TBC1D8B: variants seen among roughly 807,000 people sequenced by gnomAD.
The protein encoded by TBC1D8B is TBC1 domain family member 8B, also known as RP11-321G1.1.
In TBC1D8B, 75 loss-of-function variants were observed where a neutral mutation model predicts 82.9. The observed-to-expected ratio is 0.90, with a 90% CI of 0.75 to 1.10. TBC1D8B has a LOEUF of 1.10. Among genes scored for constraint, TBC1D8B ranks in the 50% least tolerant of loss-of-function variants. The pLI, the probability that TBC1D8B is intolerant of heterozygous loss-of-function variation, is 0.00. For missense variants in TBC1D8B, 794 were observed against 796.9 expected, an observed-to-expected ratio of 1.00 and a Z score of 0.04; for synonymous variants, 276 against 276.8, an observed-to-expected ratio of 1.00 and a Z score of 0.03.
rs1402376766 is a variant in TBC1D8B, at chrX:106,865,964, T to G, written c.2593T>G (p.Trp865Gly). The G allele has an allele frequency of 8.3e-7, 1 of 1,209,490 alleles. No individual in the cohort carries two copies. The highest frequency in any genetic ancestry group is 1.8e-5 in the South Asian group (1 of 56,820). The stretch of plus-strand genomic sequence containing the variant: ...TGCAAATAAAGACTCACTAGCTTTA[T>G]GGACATTCAGATTGTTAGATGAAAA... ...HSANKDSLAL[W>G]TFRLLDENSD... Residue 865 changes from tryptophan to glycine, a missense_variant, in exon 16 of 21, where the codon TGG becomes GGG. Transcript: ENST00000357242.
In TBC1D8B at chrX:106,835,384, G is replaced by A. The variant is rs1932151192; in HGVS notation, c.1204-3924G>A. Among the ~76,000 whole-genome samples the A allele has an allele frequency of 2.7e-5, 3 of 112,262 alleles. 1 individual carries two copies. The Admixed American group carries it at 2.8e-4, about 11-fold the overall frequency. ...GTCCTGAGGCTGCATAGAGCAGGGG[G>A]GCCCTGGGCCAGGTTCACGAAACCA... On this transcript the variant is annotated intron_variant, in intron 7 of 20. Coordinates refer to ENST00000357242, the MANE Select transcript of TBC1D8B (RefSeq NM_017752.3).
chrX:106,840,889 G>A lies in TBC1D8B; in HGVS notation c.1719+5G>A. 5 of 1,196,036 alleles carry A rather than the reference G, an allele frequency of 4.2e-6. No individual in the cohort carries two copies. Among genetic ancestry groups the A allele is most frequent in the Non-Finnish European group, 5.7e-6 (5 of 882,531 alleles). ...CCCAAAATTGGATACTGCCAGGTAT[G>A]ACTTAACTATGAGCCCAACTGTGTG... On this transcript the variant is annotated splice_donor_5th_base_variant and intron_variant, in intron 10 of 20. Transcript: ENST00000357242.
chrX:106,820,888 G>C lies in TBC1D8B; in HGVS notation c.253G>C (p.Glu85Gln), dbSNP rs999694340. The change falls in exon 3 of 21, where the codon GAA becomes CAA. Residue 85 changes from glutamate to glutamine, a missense_variant. Coordinates refer to ENST00000357242, the MANE Select transcript of TBC1D8B (RefSeq NM_017752.3). ...YLSIACGANR[E>Q]EITKHWDWLE... ...GTGTTATTAATCAGGAGCCAACAGA[G>C]AAGAAATAACCAAGCATTGGGATTG... The C allele has an allele frequency of 4.2e-6, 5 of 1,182,448 alleles. No individual in the cohort carries two copies. Among genetic ancestry groups the C allele is most frequent in the Non-Finnish European group, 4.5e-6 (4 of 880,174 alleles).
chrX:106,873,823 A>T lies in TBC1D8B; in HGVS notation c.3221A>T (p.Gln1074Leu), dbSNP rs772038293. The stretch of plus-strand genomic sequence containing the variant: ...CCTTGTTCCTTTAGGGAGGAACCTC[A>T]GTGGTCATTTGCATTTGAACAGATT... ...KDPCSFREEPQWSFAFEQILA... is the reference protein window; with the variant it reads ...KDPCSFREEPLWSFAFEQILA... The change falls in exon 21 of 21, where the codon CAG becomes CTG. Residue 1074 changes from glutamine to leucine, a missense_variant. Physicochemically the swap from Gln to Leu is moderately radical, Grantham distance 113. Coordinates refer to ENST00000357242, the MANE Select transcript of TBC1D8B (RefSeq NM_017752.3). 4.1e-6 allele frequency: 5 copies of T among 1,212,207 alleles called. No homozygotes were observed. In the East Asian group the frequency reaches 8.9e-5, roughly 21 times the overall value.
In TBC1D8B at chrX:106,833,905, C is replaced by T. The variant is rs558776092; in HGVS notation, c.1204-5403C>T. The stretch of plus-strand genomic sequence containing the variant: ...CTGTATTTGCAAAAATGTAACTCCT[C>T]GTTCAAACAGCTAAACTTAATATTA... On this transcript the variant is annotated intron_variant, in intron 7 of 20. Transcript: ENST00000357242. 1.6e-4 allele frequency among the ~76,000 whole-genome samples: 18 copies of T among 110,396 alleles called. No homozygotes were observed. The East Asian group carries it at 1.7e-3, about 11-fold the overall frequency.
In TBC1D8B at chrX:106,870,844, T is replaced by C. The variant is rs373820995; in HGVS notation, c.2967+31T>C. 2.4e-4 allele frequency: 258 copies of C among 1,059,085 alleles called. 1 individual carries two copies. The highest frequency in any genetic ancestry group is 5.2e-5 in the Admixed American group (2 of 38,462). The allele number at this position is 1,059,085 out of a possible 1,213,427, so 87.3% of individuals were successfully genotyped here. A position where few individuals can be genotyped will look rare whatever the true frequency, so the allele number is the denominator to read the frequency against. ...GCATTTTTAAAAAGAAAATTCTAAG[T>C]TCTTGCTTTTTTGTATGGATGTGGG... On this transcript the variant is annotated intron_variant, in intron 20 of 20. Transcript: ENST00000357242.
At chrX:106,869,338 G>T (rs1032404576) in intron 18 of TBC1D8B, 147 bp from the exon 19 acceptor site, 24 of 339,724 alleles carry the variant, frequency 7.1e-5, no homozygotes, top group Admixed American at 1.1e-4. Context: ...GGAATATTTT[G>T]TCTTCTGATG....
chrX:106,868,721 G>A (rs1032039158), intron 18 of TBC1D8B, among the ~76,000 whole-genome samples: 5 of 111,688 alleles, frequency 4.5e-5, no homozygotes, highest in Admixed American at 2.9e-4. Context: ...TTCTACTTAC[G>A]TTGCAGAAAT....
intron 10 of TBC1D8B, among the ~76,000 whole-genome samples, chrX:106,843,263 T>C (rs1202888054): frequency 2.7e-5 from 3 of 111,823 alleles, no homozygotes; most frequent in Non-Finnish European, 5.7e-5. Flanking sequence ...TGGCGCACTG[T>C]CAAACTATTT....
intron 16 of TBC1D8B, 83 bp from the exon 17 acceptor site, chrX:106,866,714 A>G (rs910981908): frequency 2.0e-5 from 14 of 714,382 alleles, no homozygotes; most frequent in Admixed American, 6.9e-5. Flanking sequence ...ACTAATGTCT[A>G]TATCTTAATT....
chrX:106,848,221 T>C lies in TBC1D8B; in HGVS notation c.1755T>C (p.Tyr585=), dbSNP rs1569454094. Residue 585 remains tyrosine, a synonymous_variant, in exon 11 of 21, where the codon TAT becomes TAC. Transcript: ENST00000357242. ...MNILTSVLLL[Y]AKEEEAFWLL... ...TTTTGACTTCAGTGCTGCTTCTATA[T>C]GCAAAAGAGGAAGAAGCTTTTTGGC... 1 of 1,196,280 alleles carries C rather than the reference T, an allele frequency of 8.4e-7. No homozygotes were observed. Among genetic ancestry groups the C allele is most frequent in the Non-Finnish European group, 1.1e-6 (1 of 885,060 alleles).
chrX:106,858,554 G>GGGATTAT (rs2147767599), intron 14 of TBC1D8B, among the ~76,000 whole-genome samples: 1 of 112,557 alleles, frequency 8.9e-6, no homozygotes, highest in Admixed American at 9.4e-5. Context: ...TTATAGGCAT[G>GGGATTAT]AGCCACCACA....
chrX:106,864,228 C>T (rs1189371449), intron 14 of TBC1D8B, among the ~76,000 whole-genome samples: 4 of 110,966 alleles, frequency 3.6e-5, no homozygotes, highest in Non-Finnish European at 7.6e-5. Context: ...GGGGAATTCT[C>T]CCACTCCCAG....
At chrX:106,855,812 TC>T (rs1336634743) in intron 14 of TBC1D8B, among the ~76,000 whole-genome samples, 1 of 111,690 alleles carries the variant, frequency 9.0e-6, no homozygotes, top group Non-Finnish European at 1.9e-5. Flanking sequence ...CAAATTGTAA[TC>T]CCACCAGCAG....
intron 7 of TBC1D8B, 49 bp from the exon 8 acceptor site, chrX:106,839,259 G>A: frequency 1.9e-6 from 2 of 1,070,575 alleles, no homozygotes; most frequent in Non-Finnish European, 1.2e-6. Flanking sequence ...TTTTTTTCTT[G>A]TAGAAACGTA....
At chrX:106,860,698 G>A (rs920176217) in intron 14 of TBC1D8B, among the ~76,000 whole-genome samples, 1 of 110,403 alleles carries the variant, frequency 9.1e-6, no homozygotes, top group Admixed American at 9.7e-5. Flanking sequence ...TTGATCTTTT[G>A]TATGGGTTTT....
chrX:106,827,533 G>A (rs1415674507), intron 7 of TBC1D8B, 196 bp downstream of exon 7: 3 of 393,287 alleles, frequency 7.6e-6, no homozygotes, highest in Admixed American at 1.0e-4. Context: ...TTCATTTTTA[G>A]GAACCCATAC....
chrX:106,843,081 T>C (rs1180367814), intron 10 of TBC1D8B, among the ~76,000 whole-genome samples: 1 of 112,019 alleles, frequency 8.9e-6, no homozygotes, highest in Non-Finnish European at 1.9e-5. Context: ...CCACATTTTG[T>C]TTATTCAATG....
intron 20 of TBC1D8B, among the ~76,000 whole-genome samples, chrX:106,872,693 C>G (rs1029168575): frequency 7.3e-5 from 8 of 109,976 alleles, no homozygotes; most frequent in Non-Finnish European, 1.1e-4. Context: ...CCTGGCCAGG[C>G]GCAGTGGCTC....
Sources: gnomAD v4.1 joint callset for allele counts (sites outside exome capture counted in the v4.1 genomes callset) on GRCh38, gnomAD v4.1.1 for gene constraint, MANE v1.5 for transcripts, NCBI Gene and HGNC (gene_info 2026-07-23, HGNC 2026-07-21) for gene names.